Variants in TNNI3K observed in about 807,000 individuals in gnomAD.
The protein encoded by TNNI3K is TNNI3 interacting kinase.
Under a neutral mutation model 114.5 loss-of-function variants are expected in TNNI3K, and 140 were observed. The observed-to-expected ratio is 1.22, with a 90% CI of 1.07 to 1.41. The LOEUF (loss-of-function observed/expected upper bound fraction) is 1.41. TNNI3K is among the 40% of genes most tolerant of loss of function. The probability of loss-of-function intolerance (pLI) is 0.00; values close to 1 mark genes in which losing one functional copy is unlikely to be tolerated. For missense variants in TNNI3K, 1,125 were observed against 1,007.6 expected (o/e 1.12, Z -1.58); for synonymous variants, 347 against 347.5 (o/e 1.00, Z 0.02).
chr1:74,263,531 A>G (rs1274901699), intron 4 of TNNI3K, among the ~76,000 whole-genome samples: 1 of 152,068 alleles, frequency 6.6e-6, no homozygotes, highest in Non-Finnish European at 1.5e-5. Context: ...TGAGGTTGAC[A>G]GTGGGCAAAA....
intron 23 of TNNI3K, among the ~76,000 whole-genome samples, chr1:74,504,438 G>A (rs1314872110): frequency 6.6e-6 from 1 of 152,220 alleles, no homozygotes; most frequent in Non-Finnish European, 1.5e-5. Context: ...CAGCCTCAAA[G>A]TTGAGGAGCA....
intron 17 of TNNI3K, among the ~76,000 whole-genome samples, chr1:74,422,038 A>G (rs1665425544): frequency 6.6e-6 from 1 of 150,950 alleles, no homozygotes; most frequent in African/African-American, 2.4e-5. Flanking sequence ...TTAGAAACCT[A>G]CTCCTCATAA....
At chr1:74,467,908 A>C (rs17095385) in intron 21 of TNNI3K, among the ~76,000 whole-genome samples, 1 of 152,112 alleles carries the variant, frequency 6.6e-6, no homozygotes, top group Non-Finnish European at 1.5e-5. Flanking sequence ...AAGATAAAAA[A>C]TGAATGGGTT....
intron 2 of TNNI3K, among the ~76,000 whole-genome samples, chr1:74,249,147 G>T: frequency 6.7e-6 from 1 of 150,264 alleles, no homozygotes; most frequent in East Asian, 2.0e-4. Flanking sequence ...TCTGACCTTG[G>T]TTTTACTTGT....
intron 9 of TNNI3K, among the ~76,000 whole-genome samples, chr1:74,349,944 T>G (rs1180620375): frequency 2.0e-5 from 3 of 152,188 alleles, no homozygotes; most frequent in Non-Finnish European, 4.4e-5. Flanking sequence ...ATTGATTTTT[T>G]GAAGGGTTTT....
chr1:74,492,054 G>T, intron 22 of TNNI3K, 43 bp from the exon 23 acceptor site: 11 of 1,451,260 alleles, frequency 7.6e-6, no homozygotes, highest in Non-Finnish European at 9.2e-6. Flanking sequence ...CTTCACACCT[G>T]TTGGAAGTAT....
intron 24 of TNNI3K, among the ~76,000 whole-genome samples, chr1:74,540,649 C>G (rs532088152): frequency 8.6e-5 from 13 of 150,610 alleles, no homozygotes; most frequent in Middle Eastern, 3.4e-3. Flanking sequence ...ATTCCGAATA[C>G]TTTGTCAACA....
At chr1:74,238,808 A>T (rs1654016409) in intron 2 of TNNI3K, among the ~76,000 whole-genome samples, 1 of 151,964 alleles carries the variant, frequency 6.6e-6, no homozygotes, top group Non-Finnish European at 1.5e-5. Context: ...TGAGGAGAGG[A>T]TTATCCAGTC....
rs2100514829 is a variant in TNNI3K at position 74,367,291 on chromosome 1, A to G, written c.1213A>G (p.Lys405Glu). Residue 405 changes from lysine to glutamate, a missense_variant, in exon 12 of 25, where the codon AAG becomes GAG. Transcript: ENST00000326637. ...DAIVTLLKHY[K>E]RPQDELPCNE... ...CATTGTCACACTCCTGAAGCATTAT[A>G]AGAGACCACAAGATGAATTGCCCTG... The G allele has an allele frequency of 1.9e-6, 3 of 1,612,202 alleles. No homozygotes were observed. The highest frequency in any genetic ancestry group is 1.7e-5 in the Admixed American group (1 of 59,886).
intron 21 of TNNI3K, among the ~76,000 whole-genome samples, chr1:74,486,802 A>T (rs1426203862): frequency 1.3e-5 from 2 of 152,128 alleles, no homozygotes; most frequent in Non-Finnish European, 2.9e-5. Context: ...CAATGAGCGC[A>T]GAAAAAAATA....
intron 23 of TNNI3K, among the ~76,000 whole-genome samples, chr1:74,507,855 G>A (rs1303952687): frequency 6.6e-6 from 1 of 152,194 alleles, no homozygotes; most frequent in African/African-American, 2.4e-5. Context: ...AATTGAAGCA[G>A]CGTTTGTATT....
At chr1:74,237,734 G>A (rs1043935936) in intron 2 of TNNI3K, among the ~76,000 whole-genome samples, 1 of 151,992 alleles carries the variant, frequency 6.6e-6, no homozygotes, top group Non-Finnish European at 1.5e-5. Context: ...AGCATTGGGG[G>A]TGAGATGCAG....
rs992515814 is a variant in TNNI3K at position 74,416,319 on chromosome 1, A to G, written c.1773-19761A>G. 50 of 985,298 alleles carry G rather than the reference A, an allele frequency of 5.1e-5. 1 individual carries two copies. In the South Asian group the frequency reaches 1.5e-3, roughly 29 times the overall value. The allele number at this position is 985,298 out of a possible 1,614,324, so 61.0% of individuals were successfully genotyped here. ...TATGTCATTGTAGGCACTACCAAAA[A>G]GGGACCTTAGTGACGGGCTACACTA... On this transcript the variant is annotated intron_variant, in intron 17 of 24. Coordinates refer to ENST00000326637, the MANE Select transcript of TNNI3K (RefSeq NM_015978.3).
chr1:74,488,000 G>T (rs1001398341), intron 21 of TNNI3K, among the ~76,000 whole-genome samples: 1 of 152,186 alleles, frequency 6.6e-6, no homozygotes, highest in Admixed American at 6.5e-5. Context: ...AAGGAGTTTG[G>T]AGGACAAGCT....
intron 21 of TNNI3K, among the ~76,000 whole-genome samples, chr1:74,464,342 A>G (rs1230665302): frequency 1.3e-5 from 2 of 152,212 alleles, no homozygotes; most frequent in Non-Finnish European, 2.9e-5. Context: ...TTGTGTTTTG[A>G]TATCAATCGA....
At chr1:74,318,858 G>T (rs1276517302) in intron 5 of TNNI3K, among the ~76,000 whole-genome samples, 1 of 152,190 alleles carries the variant, frequency 6.6e-6, no homozygotes, top group Non-Finnish European at 1.5e-5. Flanking sequence ...CTGAGCTGTT[G>T]CTCCTCTTTT....
At chr1:74,488,406 G>A (rs368210999) in intron 21 of TNNI3K, among the ~76,000 whole-genome samples, 2 of 152,178 alleles carry the variant, frequency 1.3e-5, no homozygotes, top group East Asian at 3.9e-4. Flanking sequence ...TTTGGTTACT[G>A]AACCTGAATG....
intron 20 of TNNI3K, among the ~76,000 whole-genome samples, chr1:74,440,267 T>C (rs2100671588): frequency 6.6e-6 from 1 of 152,228 alleles, no homozygotes; most frequent in African/African-American, 2.4e-5. Flanking sequence ...TGCATCTATC[T>C]CTCAATTGCA....
chr1:74,540,155 G>A (rs1205097881), intron 23 of TNNI3K, 79 bp from the exon 24 acceptor site: 4 of 1,481,346 alleles, frequency 2.7e-6, no homozygotes, highest in Non-Finnish European at 3.7e-6. Flanking sequence ...GATCTATGTT[G>A]AGTGGAAAAA....
Sources: allele counts gnomAD v4.1 joint callset (sites outside exome capture counted in the v4.1 genomes callset), GRCh38; gene constraint gnomAD v4.1.1; transcripts MANE v1.5; gene names NCBI Gene and HGNC (gene_info 2026-07-23, HGNC 2026-07-21).